CENPP: variants seen among roughly 807,000 people sequenced by gnomAD.
The protein encoded by CENPP is centromere protein P.
CENPP carries 24 observed loss-of-function variants against 35.6 expected under a neutral mutation model. The observed-to-expected ratio is 0.67, with a 90% CI of 0.49 to 0.95. The LOEUF is 0.95. Among genes scored for constraint, CENPP ranks in the 40% least tolerant of loss-of-function variants. The pLI is 0.00. For synonymous variants in CENPP, 120 were observed against 125.5 expected (o/e 0.96, Z 0.29); for missense variants, 332 against 345.3 (o/e 0.96, Z 0.31).
intron 5 of CENPP, chr9:92,493,930 G>A (rs556104845): frequency 5.7e-5 from 32 of 559,772 alleles, no homozygotes; most frequent in Non-Finnish European, 8.0e-5. Flanking sequence ...CACAGGCACC[G>A]GTCTGGATCT....
chr9:92,607,293 C>A (rs540988780), intron 5 of CENPP, among the ~76,000 whole-genome samples: 1 of 152,228 alleles, frequency 6.6e-6, no homozygotes, highest in African/African-American at 2.4e-5. Context: ...CACGGTGTAA[C>A]CTCACTGATG....
chr9:92,409,725 T>C (rs1336045326), intron 5 of CENPP, among the ~76,000 whole-genome samples: 1 of 152,202 alleles, frequency 6.6e-6, no homozygotes, highest in Non-Finnish European at 1.5e-5. Flanking sequence ...ACCTATTAGC[T>C]AACATAACTA....
At chr9:92,337,104 G>A (rs1228124172) in intron 2 of CENPP, among the ~76,000 whole-genome samples, 1 of 152,174 alleles carries the variant, frequency 6.6e-6, no homozygotes, top group African/African-American at 2.4e-5. Context: ...GATCACCTGA[G>A]GTCAGGAGTT....
chr9:92,359,999 CAG>C (rs1382991789), intron 4 of CENPP, among the ~76,000 whole-genome samples: 1 of 152,128 alleles, frequency 6.6e-6, no homozygotes, highest in Non-Finnish European at 1.5e-5. Context: ...TCATTAGACT[CAG>C]AGTTTCCAAA....
At chr9:92,517,698 C>T (rs1847812562) in intron 5 of CENPP, 1 of 1,614,154 alleles carries the variant, frequency 6.2e-7, no homozygotes, top group Non-Finnish European at 8.5e-7. Flanking sequence ...AGTAGCGGAG[C>T]AGACCGGGCA....
At chr9:92,571,924 T>G in intron 5 of CENPP, among the ~76,000 whole-genome samples, 1 of 125,010 alleles carries the variant, frequency 8.0e-6, no homozygotes, top group Non-Finnish European at 1.7e-5. Context: ...TTTTTTTTTT[T>G]GTTTTCCATT....
At chr9:92,408,672 CT>C (rs2130943959) in intron 5 of CENPP, among the ~76,000 whole-genome samples, 1 of 152,172 alleles carries the variant, frequency 6.6e-6, no homozygotes, top group Admixed American at 6.5e-5. Flanking sequence ...CCTGTGTGCA[CT>C]TTAGGATGTT....
At chr9:92,473,271 AT>A (rs1845593408) in intron 5 of CENPP, among the ~76,000 whole-genome samples, 2 of 152,140 alleles carry the variant, frequency 1.3e-5, no homozygotes, top group Non-Finnish European at 2.9e-5. Flanking sequence ...CGTGGCACAT[AT>A]GGAGGCCAGC....
chr9:92,507,591 T>C lies in CENPP; in HGVS notation c.565-103723T>C, dbSNP rs554900440. Among the ~76,000 whole-genome samples, 9 of 152,336 alleles carry C rather than the reference T, an allele frequency of 5.9e-5. No homozygotes were observed. In the East Asian group the frequency reaches 1.5e-3, roughly 26 times the overall value. On this transcript the variant is annotated intron_variant, in intron 5 of 7. Transcript: ENST00000375587. ...TGGACAGGAAACAGGAAGTCTTCCATGGTGGGTGGTACCATGACAGGCTGT... is the reference window on the plus strand; with the variant it reads ...TGGACAGGAAACAGGAAGTCTTCCACGGTGGGTGGTACCATGACAGGCTGT...
chr9:92,370,569 T>A (rs1040002633), intron 4 of CENPP, among the ~76,000 whole-genome samples: 5 of 152,066 alleles, frequency 3.3e-5, no homozygotes, highest in African/African-American at 1.2e-4. Context: ...CAACCTCCGC[T>A]TTCCGGGTTC....
chr9:92,361,673 G>A (rs1274192571), intron 4 of CENPP, among the ~76,000 whole-genome samples: 2 of 150,524 alleles, frequency 1.3e-5, no homozygotes, highest in African/African-American at 4.9e-5. Flanking sequence ...GTAGAGATGG[G>A]GTTTCACCAT....
At chr9:92,426,765 A>G (rs1564314791) in intron 5 of CENPP, among the ~76,000 whole-genome samples, 1 of 152,154 alleles carries the variant, frequency 6.6e-6, no homozygotes, top group East Asian at 1.9e-4. Flanking sequence ...GTGGTAATAG[A>G]TTAGAGTTGA....
intron 5 of CENPP, among the ~76,000 whole-genome samples, chr9:92,545,470 C>G (rs1028730181): frequency 6.6e-6 from 1 of 152,200 alleles, no homozygotes; most frequent in African/African-American, 2.4e-5. Context: ...CTCGTCGGGC[C>G]TTAGCTGCCT....
chr9:92,504,167 C>T (rs1276785926), intron 5 of CENPP, among the ~76,000 whole-genome samples: 1 of 151,978 alleles, frequency 6.6e-6, no homozygotes, highest in African/African-American at 2.4e-5. Flanking sequence ...TCATTTCTGG[C>T]CCTGTCCCAC....
At chr9:92,459,601 A>T (rs768803902) in intron 5 of CENPP, 1 of 1,604,320 alleles carries the variant, frequency 6.2e-7, no homozygotes, top group Non-Finnish European at 8.5e-7. Context: ...AAAAATACCA[A>T]TATCTACTGA....
At chr9:92,402,669 A>G (rs1323490767) in intron 5 of CENPP, among the ~76,000 whole-genome samples, 2 of 152,178 alleles carry the variant, frequency 1.3e-5, no homozygotes, top group African/African-American at 4.8e-5. Context: ...CAATTGATAG[A>G]GGGTCTAAAC....
rs146040741 is a variant in CENPP at position 92,509,918 on chromosome 9, G to A, written c.565-101396G>A. The A allele has an allele frequency of 4.8e-4, 769 of 1,602,156 alleles. 2 individuals are homozygous for A. The African/African-American group carries it at 8.9e-3, about 19-fold the overall frequency. On this transcript the variant is annotated intron_variant, in intron 5 of 7. Coordinates refer to ENST00000375587, the MANE Select transcript of CENPP (RefSeq NM_001012267.3). ...AAATACCTGATAAACTTTCTTCATCGATAGCCTGAAGATTGTTCTCATTGA... is the reference window on the plus strand; with the variant it reads ...AAATACCTGATAAACTTTCTTCATCAATAGCCTGAAGATTGTTCTCATTGA...
chr9:92,466,285 A>T (rs1181090129), intron 5 of CENPP: 5 of 975,972 alleles, frequency 5.1e-6, no homozygotes, highest in Non-Finnish European at 7.8e-6. Context: ...TATTCTTAAT[A>T]GTGACGATAA....
chr9:92,495,878 A>G (rs983108074), intron 5 of CENPP: 5 of 980,824 alleles, frequency 5.1e-6, no homozygotes, highest in Non-Finnish European at 6.1e-6. Context: ...AATAATAAAC[A>G]ACACTTATTC....
Sources: allele counts gnomAD v4.1 joint callset (sites outside exome capture counted in the v4.1 genomes callset), GRCh38; gene constraint gnomAD v4.1.1; transcripts MANE v1.5; gene names NCBI Gene and HGNC (gene_info 2026-07-23, HGNC 2026-07-21).